ATP8A2: variants seen among roughly 807,000 people sequenced by gnomAD.
ATP8A2 encodes phospholipid-transporting ATPase IB.
In ATP8A2, 100 loss-of-function variants were observed where a neutral mutation model predicts 165.6. That is an observed-to-expected ratio of 0.60 (90% CI 0.51 to 0.71). The LOEUF is 0.71. ATP8A2 is among the 30% of genes least tolerant of loss of function. The pLI, the probability that ATP8A2 is intolerant of heterozygous loss-of-function variation, is 0.00. For synonymous variants in ATP8A2, 543 were observed against 548.8 expected (o/e 0.99, Z 0.15); for missense variants, 1,227 against 1,479.5 (o/e 0.83, Z 2.80).
intron 1 of ATP8A2, among the ~76,000 whole-genome samples, chr13:25,421,927 TC>T (rs1236677454): frequency 1.3e-5 from 2 of 152,184 alleles, no homozygotes; most frequent in Admixed American, 6.5e-5. Context: ...TTTTTTTGCT[TC>T]TCTTAAATTC....
At chr13:25,473,750 G>A (rs1245022432) in intron 2 of ATP8A2, among the ~76,000 whole-genome samples, 2 of 151,942 alleles carry the variant, frequency 1.3e-5, no homozygotes, top group African/African-American at 2.4e-5. Flanking sequence ...TGGACATTTT[G>A]TATAAATAGC....
At chr13:25,872,152 C>A (rs1370032746) in intron 33 of ATP8A2, among the ~76,000 whole-genome samples, 1 of 151,698 alleles carries the variant, frequency 6.6e-6, no homozygotes, top group African/African-American at 2.4e-5. Flanking sequence ...CAGCCGGGTC[C>A]TCTGCCTCAC....
At chr13:25,563,766 A>T (rs2039230453) in intron 15 of ATP8A2, among the ~76,000 whole-genome samples, 190 bp from the exon 16 acceptor site, 1 of 152,198 alleles carries the variant, frequency 6.6e-6, no homozygotes, top group Non-Finnish European at 1.5e-5. Flanking sequence ...TATCTTATTT[A>T]TAGTAAACTC....
At chr13:25,640,707 T>A (rs1301178509) in intron 24 of ATP8A2, among the ~76,000 whole-genome samples, 1 of 152,092 alleles carries the variant, frequency 6.6e-6, no homozygotes, top group South Asian at 2.1e-4. Context: ...CCTTCTGAAA[T>A]GATTCCAATC....
intron 2 of ATP8A2, among the ~76,000 whole-genome samples, chr13:25,521,515 G>T (rs2037671322): frequency 6.6e-6 from 1 of 152,126 alleles, no homozygotes; most frequent in Non-Finnish European, 1.5e-5. Context: ...TCAGGTCTTA[G>T]ATTTGAGCCT....
chr13:25,787,686 G>C (rs2045064819), intron 27 of ATP8A2, among the ~76,000 whole-genome samples: 1 of 152,174 alleles, frequency 6.6e-6, no homozygotes, highest in African/African-American at 2.4e-5. Context: ...TGGCCCAGGG[G>C]CCTCTGGTTC....
intron 33 of ATP8A2, among the ~76,000 whole-genome samples, chr13:25,928,734 C>T (rs1954683202): frequency 6.6e-6 from 1 of 152,202 alleles, no homozygotes; most frequent in African/African-American, 2.4e-5. Flanking sequence ...CCCTCCCTTG[C>T]ATTCAGAGGG....
chr13:25,953,253 C>A lies in ATP8A2; in HGVS notation c.3184-8322C>A, dbSNP rs1033408541. 2.0e-5 allele frequency among the ~76,000 whole-genome samples: 3 copies of A among 152,110 alleles called. No homozygotes were observed. The highest frequency in any genetic ancestry group is 2.0e-4 in the Admixed American group (3 of 15,270). ...GAAGTTGGCACTGGTGTTGCTGGGC[C>A]AACCAGCATCTTGAGGACTCAACTC... On this transcript the variant is annotated intron_variant, in intron 33 of 36. Transcript: ENST00000381655. The surrounding 1 kb of genome is among the most constrained non-coding windows in gnomAD (Gnocchi z 6.7).
intron 29 of ATP8A2, 89 bp downstream of exon 29, chr13:25,837,374 A>G: frequency 6.7e-7 from 1 of 1,488,918 alleles, no homozygotes; most frequent in East Asian, 2.3e-5. Context: ...TTGAAGCTTG[A>G]GAAAGAACAT....
At chr13:25,942,785 T>A (rs1168069234) in intron 33 of ATP8A2, among the ~76,000 whole-genome samples, 1 of 152,226 alleles carries the variant, frequency 6.6e-6, no homozygotes, top group Non-Finnish European at 1.5e-5. Context: ...CTAATCAAGG[T>A]CATAAAGATG....
chr13:25,991,661 G>GC (rs1378677945), intron 35 of ATP8A2, among the ~76,000 whole-genome samples: 2 of 152,160 alleles, frequency 1.3e-5, no homozygotes, highest in African/African-American at 4.8e-5. Context: ...CCAGGTTGTT[G>GC]CATGTGTCCA....
Position 25,759,023 on chromosome 13 carries a change from G to A in ATP8A2, c.2385-10023G>A, listed in dbSNP as rs141488238. The stretch of plus-strand genomic sequence containing the variant: ...GAAAGGAAAGAAGGAAGGGGGGAGA[G>A]AGAGAAAGGGAAAGAAAGAGAAAGA... On this transcript the variant is annotated intron_variant, in intron 25 of 36. Coordinates refer to ENST00000381655, the MANE Select transcript of ATP8A2 (RefSeq NM_016529.6). Among the ~76,000 whole-genome samples, 192 of 152,172 alleles carry A rather than the reference G, an allele frequency of 1.3e-3. 1 individual carries two copies. The highest frequency in any genetic ancestry group is 4.3e-3 in the African/African-American group (180 of 41,518).
intron 24 of ATP8A2, among the ~76,000 whole-genome samples, chr13:25,662,247 G>C (rs1241042382): frequency 1.3e-5 from 2 of 152,196 alleles, no homozygotes; most frequent in Admixed American, 6.5e-5. Context: ...TACTTGCCAT[G>C]ATGAGTGTGC....
intron 1 of ATP8A2, among the ~76,000 whole-genome samples, chr13:25,463,721 G>A (rs955040748): frequency 6.6e-6 from 1 of 152,178 alleles, no homozygotes; most frequent in Admixed American, 6.5e-5. Flanking sequence ...TGGTTAGAGG[G>A]TTGAAAATAT....
At chr13:25,642,102 A>G (rs1020935599) in intron 24 of ATP8A2, among the ~76,000 whole-genome samples, 2 of 152,216 alleles carry the variant, frequency 1.3e-5, no homozygotes, top group African/African-American at 4.8e-5. Context: ...AAATTAATTC[A>G]AGATGGATTA....
chr13:25,787,197 TCTC>T (rs2045051750), intron 27 of ATP8A2, among the ~76,000 whole-genome samples: 2 of 152,220 alleles, frequency 1.3e-5, no homozygotes. Context: ...AATTCCCCAG[TCTC>T]CTCTGTAGTT....
intron 1 of ATP8A2, among the ~76,000 whole-genome samples, chr13:25,398,049 A>G (rs531243528): frequency 1.3e-5 from 2 of 152,346 alleles, no homozygotes; most frequent in East Asian, 3.9e-4. Flanking sequence ...AATGTCTCTT[A>G]TCAGAACTTA....
In ATP8A2 at chr13:25,381,333, C is replaced by T. The variant is rs80152558; in HGVS notation, c.76+9045C>T. On this transcript the variant is annotated intron_variant, in intron 1 of 36. Transcript: ENST00000381655. ...TTAAAAATGTGTTCCTGCTACTGCA[C>T]ATTTTCTCCATAACATATTACTTTC... Among the ~76,000 whole-genome samples the T allele has an allele frequency of 2.2e-4, 34 of 152,258 alleles. No homozygotes were observed. In the East Asian group the frequency reaches 5.8e-3, roughly 26 times the overall value.
rs149841829 is a variant in ATP8A2, at chr13:25,550,279, T to C, written c.892-1059T>C. On this transcript the variant is annotated intron_variant, in intron 10 of 36. Transcript: ENST00000381655. ...GAGGTCACACCACTGGACTCCAGCC[T>C]GGGTGAGAGAGTGAGACTCCATCTC... Among the ~76,000 whole-genome samples, 743 of 152,264 alleles carry C rather than the reference T, an allele frequency of 4.9e-3. 7 individuals carry two copies. Among genetic ancestry groups the C allele is most frequent in the African/African-American group, 0.017 (713 of 41,540 alleles).
Sources: allele counts gnomAD v4.1 joint callset (sites outside exome capture counted in the v4.1 genomes callset), GRCh38; gene constraint gnomAD v4.1.1; non-coding constraint Gnocchi (gnomAD v3.1); transcripts MANE v1.5; gene names NCBI Gene and HGNC (gene_info 2026-07-23, HGNC 2026-07-21).